The following RRAGB variants were observed in gnomAD, a reference collection of about 807,000 sequenced individuals.
RRAGB encodes the protein ras-related GTP-binding protein B.
A neutral mutation model predicts 29.3 loss-of-function variants in RRAGB; 6 were observed. The ratio of observed to expected loss-of-function variants is 0.21; its 90% CI spans 0.11 to 0.40. RRAGB has a LOEUF of 0.40. Ranked by LOEUF, RRAGB falls within the 10% of genes least tolerant of loss-of-function variation. The pLI is 1.00. For missense variants in RRAGB, 184 were observed against 272.9 expected (o/e 0.67, Z 2.29); for synonymous variants, 101 against 92.5 (o/e 1.09, Z -0.53).
chrX:55,749,335 G>A (rs1278632165), intron 5 of RRAGB, among the ~76,000 whole-genome samples: 2 of 95,153 alleles, frequency 2.1e-5, no homozygotes, highest in African/African-American at 7.9e-5. Flanking sequence ...TCCCCAGCCC[G>A]GCCAGCCGCC....
At chrX:55,755,153 A>G in intron 7 of RRAGB, 1 of 751,812 alleles carries the variant, frequency 1.3e-6, no homozygotes, top group African/African-American at 2.3e-5. Context: ...TATAGAAATT[A>G]TGTTTTGAAA....
chrX:55,757,413 C>T (rs745369231), intron 9 of RRAGB, 82 bp downstream of exon 9: 252 of 476,517 alleles, frequency 5.3e-4, no homozygotes, highest in Middle Eastern at 1.1e-3. Flanking sequence ...TTATTAGATA[C>T]TTAAAAGCTA....
chrX:55,753,387 G>C lies in RRAGB; in HGVS notation c.613-5G>C. On this transcript the variant is annotated splice_region_variant and splice_polypyrimidine_tract_variant and intron_variant, in intron 6 of 9. Transcript: ENST00000374941. ...TAATAGTACACTGTGTTTCTGTTCTGTTAGGCTTGGTCCAGCATAGTTTAT... is the reference window on the plus strand; with the variant it reads ...TAATAGTACACTGTGTTTCTGTTCTCTTAGGCTTGGTCCAGCATAGTTTAT... 1 of 1,187,312 alleles carries C rather than the reference G, an allele frequency of 8.4e-7. No homozygotes were observed. The highest frequency in any genetic ancestry group is 1.1e-6 in the Non-Finnish European group (1 of 877,107).
At chrX:55,737,932 G>A (rs2033919935) in intron 5 of RRAGB, among the ~76,000 whole-genome samples, 1 of 112,394 alleles carries the variant, frequency 8.9e-6, no homozygotes, top group Admixed American at 9.3e-5. Flanking sequence ...TGCGAGCAAG[G>A]TAATGCCCTT....
At chrX:55,727,936 G>A (rs972552661) in intron 3 of RRAGB, among the ~76,000 whole-genome samples, 1 of 111,065 alleles carries the variant, frequency 9.0e-6, no homozygotes, top group African/African-American at 3.3e-5. Context: ...AGAGATGATG[G>A]TAAGTAGGGG....
chrX:55,725,229 C>T (rs756177335), intron 3 of RRAGB, among the ~76,000 whole-genome samples: 7 of 112,105 alleles, frequency 6.2e-5, no homozygotes, highest in South Asian at 3.7e-4. Flanking sequence ...GCACAGAGAA[C>T]GGGACAGAGC....
At chrX:55,741,377 C>T (rs1475454189) in intron 5 of RRAGB, among the ~76,000 whole-genome samples, 3 of 111,756 alleles carry the variant, frequency 2.7e-5, no homozygotes, top group African/African-American at 9.8e-5. Flanking sequence ...ATAAGAAAAT[C>T]GCTCAAATTT....
intron 6 of RRAGB, chrX:55,752,464 G>A: frequency 5.0e-6 from 2 of 396,104 alleles, no homozygotes; most frequent in Non-Finnish European, 6.4e-6. Flanking sequence ...TCATGCCTAA[G>A]TAATAAAACT....
At chrX:55,722,411 C>T in intron 3 of RRAGB, 126 bp downstream of exon 3, 1 of 401,121 alleles carries the variant, frequency 2.5e-6, no homozygotes, top group Non-Finnish European at 4.3e-6. Context: ...CATGTTTACC[C>T]TTTTTGCATT....
intron 5 of RRAGB, among the ~76,000 whole-genome samples, chrX:55,741,750 G>T (rs1459130057): frequency 9.0e-6 from 1 of 111,235 alleles, no homozygotes; most frequent in Non-Finnish European, 1.9e-5. Flanking sequence ...TATTATAGAG[G>T]GTAATCTTTA....
chrX:55,750,303 AT>A (rs2034486005), intron 5 of RRAGB, among the ~76,000 whole-genome samples: 2 of 109,289 alleles, frequency 1.8e-5, no homozygotes, highest in South Asian at 7.9e-4. Context: ...CAAGTCCAAA[AT>A]TTGCAGGGCA....
intron 2 of RRAGB, among the ~76,000 whole-genome samples, chrX:55,720,169 T>G (rs985628002): frequency 1.8e-5 from 2 of 112,177 alleles, no homozygotes; most frequent in African/African-American, 6.5e-5. Flanking sequence ...AGAATGTTCT[T>G]GATGAGCCTG....
Position 55,728,148 on chromosome X carries a change from A to T in RRAGB, c.227-1146A>T, listed in dbSNP as rs146999692. On this transcript the variant is annotated intron_variant, in intron 3 of 9. Coordinates refer to ENST00000374941, the MANE Select transcript of RRAGB (RefSeq NM_006064.5). The stretch of plus-strand genomic sequence containing the variant: ...CCTGTAGATGTGTTTTGTTTGGCCC[A>T]TGTGATGTTTTCTAAAAATGGGAAT... 2.8e-3 allele frequency among the ~76,000 whole-genome samples: 314 copies of T among 111,598 alleles called. 3 individuals are homozygous for T. The highest frequency in any genetic ancestry group is 9.7e-3 in the African/African-American group (298 of 30,695).
At chrX:55,736,568 A>T (rs1423836115) in intron 5 of RRAGB, among the ~76,000 whole-genome samples, 1 of 112,073 alleles carries the variant, frequency 8.9e-6, no homozygotes, top group Admixed American at 9.4e-5. Context: ...TGTTGCCAGA[A>T]TCATTTTTCT....
chrX:55,751,987 G>A (rs190972817), intron 6 of RRAGB, among the ~76,000 whole-genome samples: 229 of 110,929 alleles, frequency 2.1e-3, no homozygotes, highest in Middle Eastern at 9.2e-3. Context: ...TCTGTCACTG[G>A]TAGCTACAGC....
At chrX:55,754,618 GAACATTGAGCACCCAGC>G (rs1463107497) in intron 7 of RRAGB, among the ~76,000 whole-genome samples, 2 of 112,147 alleles carry the variant, frequency 1.8e-5, no homozygotes, top group African/African-American at 6.5e-5. Flanking sequence ...TGGGACACAG[GAACATTGAGCACCCAGC>G]AAGCCTTGGC....
chrX:55,736,146 T>C (rs1301384862), intron 5 of RRAGB, among the ~76,000 whole-genome samples: 1 of 112,192 alleles, frequency 8.9e-6, no homozygotes, highest in Admixed American at 9.4e-5. Context: ...GATGTCTAAA[T>C]TTCTAGCAAG....
chrX:55,729,144 A>G lies in RRAGB; in HGVS notation c.227-150A>G, dbSNP rs979311568. On this transcript the variant is annotated intron_variant, in intron 3 of 9. Transcript: ENST00000374941. ...TAGGTGCCTACCTTGCCACTAAACC[A>G]CACTACTCAGCTGAAAATCACCTTC... The G allele has an allele frequency of 2.7e-5, 12 of 439,091 alleles. No individual in the cohort carries two copies. The Admixed American group carries it at 4.2e-4, about 15-fold the overall frequency. 36.2% of individuals were successfully genotyped at this position (439,091 alleles called of 1,213,427 possible).
intron 2 of RRAGB, among the ~76,000 whole-genome samples, chrX:55,720,926 T>G (rs981654583): frequency 9.9e-5 from 11 of 111,602 alleles, no homozygotes; most frequent in Admixed American, 1.9e-4. Flanking sequence ...GCAAGGTAAT[T>G]GGAACTATAT....
Sources: gnomAD v4.1 joint callset for allele counts (sites outside exome capture counted in the v4.1 genomes callset) on GRCh38, gnomAD v4.1.1 for gene constraint, MANE v1.5 for transcripts, NCBI Gene and HGNC (gene_info 2026-07-23, HGNC 2026-07-21) for gene names.